The following CSMD1 variants were observed in gnomAD, a reference collection of about 807,000 sequenced individuals.
The protein encoded by CSMD1 is CUB and sushi domain-containing protein 1.
In CSMD1, 213 loss-of-function variants were observed where a neutral mutation model predicts 417.5. That is an observed-to-expected ratio of 0.51 (90% CI 0.46 to 0.57). CSMD1 has a LOEUF of 0.57. Ranked by LOEUF, CSMD1 falls within the 20% of genes least tolerant of loss-of-function variation. The probability of loss-of-function intolerance (pLI) is 0.00; values close to 1 mark genes in which losing one functional copy is unlikely to be tolerated. For synonymous variants in CSMD1, 2,862 were observed against 1,736.8 expected (o/e 1.65, Z -16.11); for missense variants, 6,923 against 4,529.7 (o/e 1.53, Z -15.17).
intron 2 of CSMD1, among the ~76,000 whole-genome samples, chr8:4,440,570 A>G (rs1363606650): frequency 6.6e-5 from 10 of 152,248 alleles, no homozygotes; most frequent in Non-Finnish European, 2.9e-5. Context: ...TGTAATTTTC[A>G]AAGATGCAAA....
rs922784272 is a variant in CSMD1 at position 4,422,939 on chromosome 8, G to C, written c.303-2874C>G. ...AACAAAGTAAAATCACAAGATCATA[G>C]TAATCTATGTAGAAAAAAACATTTG... is the stretch of plus-strand genomic sequence containing the variant. On this transcript the variant is annotated intron_variant, in intron 2 of 69. Coordinates refer to ENST00000635120, the MANE Select transcript of CSMD1 (RefSeq NM_033225.6). 7.9e-5 allele frequency among the ~76,000 whole-genome samples: 12 copies of C among 151,908 alleles called. 1 individual carries two copies. The highest frequency in any genetic ancestry group is 5.3e-4 in the Admixed American group (8 of 15,210).
rs77177984 is a variant in CSMD1, at chr8:4,982,682, A to G, written c.85+11650T>C. Among the ~76,000 whole-genome samples the G allele has an allele frequency of 5.8e-3, 876 of 152,328 alleles. 9 individuals are homozygous for G. Among genetic ancestry groups the G allele is most frequent in the East Asian group, 0.042 (216 of 5,188 alleles). On this transcript the variant is annotated intron_variant, in intron 1 of 69. Transcript: ENST00000635120. ...CAGTATTTTTATATGGACTCTTTTT[A>G]AAAGACCTATCATTGTCCATCCATC...
chr8:3,405,600 G>C (rs1476985737), intron 15 of CSMD1, among the ~76,000 whole-genome samples: 1 of 79,582 alleles, frequency 1.3e-5, no homozygotes, highest in Non-Finnish European at 2.5e-5. Context: ...TTAGGATAAG[G>C]TGTTGCTGGA....
At chr8:4,434,859 G>T (rs1011309205) in intron 2 of CSMD1, among the ~76,000 whole-genome samples, 1 of 152,180 alleles carries the variant, frequency 6.6e-6, no homozygotes, top group South Asian at 2.1e-4. Context: ...GCAACCGCAA[G>T]AACAAACTAC....
intron 3 of CSMD1, among the ~76,000 whole-genome samples, chr8:4,209,657 C>G (rs2131282390): frequency 6.6e-6 from 1 of 152,256 alleles, no homozygotes; most frequent in East Asian, 1.9e-4. Flanking sequence ...GGGTTGTTGG[C>G]TTCACCCAGG....
At chr8:3,980,064 A>C (rs753649849) in intron 5 of CSMD1, among the ~76,000 whole-genome samples, 2 of 152,240 alleles carry the variant, frequency 1.3e-5, no homozygotes, top group African/African-American at 2.4e-5. Context: ...GACTCACACA[A>C]GTAACATCTT....
chr8:3,315,460 G>GTGTGTGTGTGTGTT (rs370216684), intron 23 of CSMD1, among the ~76,000 whole-genome samples: 6,995 of 151,544 alleles, frequency 0.046, 171 homozygotes, highest in Middle Eastern at 0.068. Flanking sequence ...GTGTGTGTGT[G>GTGTGTGTGTGTGTT]TGATTTTTAA....
At chr8:3,561,629 A>C (rs546644349) in intron 10 of CSMD1, among the ~76,000 whole-genome samples, 34 of 152,300 alleles carry the variant, frequency 2.2e-4, no homozygotes, top group Non-Finnish European at 4.7e-4. Flanking sequence ...GAAAGTGAGG[A>C]GAGAGGCAGG....
chr8:4,892,589 T>G (rs1247786987), intron 1 of CSMD1, among the ~76,000 whole-genome samples: 1 of 152,052 alleles, frequency 6.6e-6, no homozygotes, highest in Non-Finnish European at 1.5e-5. Context: ...CATACAGAAA[T>G]ATATACAGAA....
chr8:3,082,359 T>C (rs1487658940), intron 49 of CSMD1, among the ~76,000 whole-genome samples: 1 of 152,206 alleles, frequency 6.6e-6, no homozygotes, highest in African/African-American at 2.4e-5. Flanking sequence ...AGATTTCCTA[T>C]GGGCTGCTCC....
intron 68 of CSMD1, among the ~76,000 whole-genome samples, chr8:2,947,593 A>C (rs1211911836): frequency 6.6e-6 from 1 of 152,216 alleles, no homozygotes; most frequent in Non-Finnish European, 1.5e-5. Context: ...GTGTAATAGC[A>C]AACTGATAGT....
intron 2 of CSMD1, among the ~76,000 whole-genome samples, chr8:4,487,381 G>A (rs1193175731): frequency 1.3e-5 from 2 of 151,994 alleles, no homozygotes; most frequent in African/African-American, 2.4e-5. Flanking sequence ...CGTTCTCATT[G>A]TTCAGTTCCC....
At chr8:3,818,389 G>C (rs1326933761) in intron 5 of CSMD1, among the ~76,000 whole-genome samples, 1 of 152,172 alleles carries the variant, frequency 6.6e-6, no homozygotes, top group Non-Finnish European at 1.5e-5. Flanking sequence ...CTCTTGGAGG[G>C]AAATCTGAGT....
intron 3 of CSMD1, among the ~76,000 whole-genome samples, chr8:4,122,618 G>A (rs550985384): frequency 1.3e-5 from 2 of 152,300 alleles, no homozygotes; most frequent in South Asian, 4.1e-4. Flanking sequence ...CAGAGATGGA[G>A]GTGATAAGCC....
intron 1 of CSMD1, among the ~76,000 whole-genome samples, chr8:4,681,336 G>C (rs926137989): frequency 6.6e-6 from 1 of 152,112 alleles, no homozygotes; most frequent in Non-Finnish European, 1.5e-5. Flanking sequence ...GATATAAGTG[G>C]TGTTGAAACC....
At chr8:4,200,589 G>T (rs886268362) in intron 3 of CSMD1, among the ~76,000 whole-genome samples, 5 of 152,154 alleles carry the variant, frequency 3.3e-5, no homozygotes, top group African/African-American at 1.2e-4. Context: ...GGGCCTGGAG[G>T]CTCATGCCTG....
At chr8:3,329,178 A>T (rs1247368349) in intron 23 of CSMD1, among the ~76,000 whole-genome samples, 1 of 152,194 alleles carries the variant, frequency 6.6e-6, no homozygotes, top group Non-Finnish European at 1.5e-5. Context: ...TCAAGAGGGC[A>T]TTGAAAAATG....
intron 3 of CSMD1, among the ~76,000 whole-genome samples, chr8:4,250,249 G>A (rs1382607992): frequency 6.6e-6 from 1 of 152,140 alleles, no homozygotes; most frequent in East Asian, 1.9e-4. Flanking sequence ...AAGACAACCT[G>A]CAAGAACAAA....
intron 2 of CSMD1, among the ~76,000 whole-genome samples, chr8:4,612,686 C>T (rs559192869): frequency 6.6e-6 from 1 of 152,262 alleles, no homozygotes; most frequent in Non-Finnish European, 1.5e-5. Context: ...AACCTCACGC[C>T]ACATCCCTGC....
Sources: allele counts gnomAD v4.1 joint callset (sites outside exome capture counted in the v4.1 genomes callset), GRCh38; gene constraint gnomAD v4.1.1; transcripts MANE v1.5; gene names NCBI Gene and HGNC (gene_info 2026-07-23, HGNC 2026-07-21).